ANKRD55: variants seen among roughly 807,000 people sequenced by gnomAD.
ANKRD55 encodes the protein ankyrin repeat domain 55, also known as ankyrin repeat domain-containing protein 55.
ANKRD55 carries 41 observed loss-of-function variants against 60.6 expected under a neutral mutation model. That is an observed-to-expected ratio of 0.68 (90% CI 0.53 to 0.88). The LOEUF (loss-of-function observed/expected upper bound fraction) is 0.88, where lower values mean the gene tolerates loss of function less well. Ranked by LOEUF, ANKRD55 falls within the 40% of genes least tolerant of loss-of-function variation. The pLI, the probability that ANKRD55 is intolerant of heterozygous loss-of-function variation, is 0.00. For synonymous variants in ANKRD55, 264 were observed against 290.3 expected, an observed-to-expected ratio of 0.91 and a Z score of 0.92; for missense variants, 732 against 767.6, an observed-to-expected ratio of 0.95 and a Z score of 0.55.
At chr5:56,168,678 C>G (rs1758540247) in intron 5 of ANKRD55, among the ~76,000 whole-genome samples, 2 of 152,074 alleles carry the variant, frequency 1.3e-5, no homozygotes, top group Admixed American at 1.3e-4. Flanking sequence ...GGAACATATC[C>G]CCTCCAGGGT....
intron 2 of ANKRD55, among the ~76,000 whole-genome samples, chr5:56,210,476 G>A (rs979186448): frequency 6.8e-6 from 1 of 147,982 alleles, no homozygotes; most frequent in Non-Finnish European, 1.5e-5. Context: ...GCAGGAGAAA[G>A]GCGTGAACCC....
In ANKRD55 at chr5:56,179,684, A is replaced by C. The variant is rs555686049; in HGVS notation, c.182-3402T>G. Among the ~76,000 whole-genome samples the C allele has an allele frequency of 3.9e-5, 6 of 152,330 alleles. No individual in the cohort carries two copies. In the South Asian group the frequency reaches 1.2e-3, roughly 32 times the overall value. ...CTGCACTACAAGATAAGGAGCAGAA[A>C]CAGCACTAACCAAGGACACAGAATA... On this transcript the variant is annotated intron_variant, in intron 3 of 11. Transcript: ENST00000341048.
At position 56,212,539 on chromosome 5, in the gene ANKRD55, C is replaced by T. The variant is rs141055249; in HGVS notation, c.58+20317G>A. Among the ~76,000 whole-genome samples the T allele has an allele frequency of 1.1e-4, 16 of 152,240 alleles. No individual in the cohort carries two copies. The East Asian group carries it at 1.9e-3, about 18-fold the overall frequency. On this transcript the variant is annotated intron_variant, in intron 2 of 11. Transcript: ENST00000341048. ...TTTATTAATAGCTAACTTTTACAGA[C>T]GAATTTTCTTTCAGGCACTGTCCTA...
chr5:56,173,586 A>C (rs2624977), intron 4 of ANKRD55, among the ~76,000 whole-genome samples: 1,339 of 114,192 alleles, frequency 0.012, 5 homozygotes, highest in Non-Finnish European at 0.014. Flanking sequence ...CTCTCTCTAT[A>C]TATATATATA....
intron 2 of ANKRD55, chr5:56,193,404 C>T: frequency 1.6e-6 from 1 of 614,106 alleles, no homozygotes; most frequent in Middle Eastern, 3.0e-4. Context: ...CCTTTTGGTA[C>T]TGGAATTACA....
At chr5:56,108,541 G>A (rs979842787) in intron 10 of ANKRD55, among the ~76,000 whole-genome samples, 3 of 152,126 alleles carry the variant, frequency 2.0e-5, no homozygotes, top group African/African-American at 7.2e-5. Context: ...CAGACATCAG[G>A]AAACAGCCTT....
chr5:56,209,445 A>G (rs1022154367), intron 2 of ANKRD55, among the ~76,000 whole-genome samples: 2 of 151,446 alleles, frequency 1.3e-5, no homozygotes, highest in Non-Finnish European at 2.9e-5. Context: ...GAATAATACC[A>G]AAACATTTTT....
intron 3 of ANKRD55, among the ~76,000 whole-genome samples, chr5:56,179,040 CA>C (rs1257265537): frequency 6.6e-6 from 1 of 152,000 alleles, no homozygotes; most frequent in Non-Finnish European, 1.5e-5. Context: ...ATTCCACTTC[CA>C]AGTTTATTTC....
intron 2 of ANKRD55, among the ~76,000 whole-genome samples, chr5:56,202,509 A>G (rs1197579886): frequency 6.6e-6 from 1 of 152,128 alleles, no homozygotes; most frequent in Non-Finnish European, 1.5e-5. Flanking sequence ...ATTTCCTGAG[A>G]TGATAAGAGT....
At chr5:56,223,143 A>G (rs567605330) in intron 2 of ANKRD55, among the ~76,000 whole-genome samples, 2 of 152,352 alleles carry the variant, frequency 1.3e-5, no homozygotes, top group South Asian at 4.1e-4. Context: ...CATCAAACCA[A>G]TAGATGATCT....
chr5:56,210,487 G>C (rs1437078055), intron 2 of ANKRD55, among the ~76,000 whole-genome samples: 2 of 148,574 alleles, frequency 1.3e-5, no homozygotes, highest in African/African-American at 5.0e-5. Context: ...GCGTGAACCC[G>C]GGAGGCGGAG....
At chr5:56,138,126 T>TC (rs1225401186) in intron 7 of ANKRD55, among the ~76,000 whole-genome samples, 2 of 123,168 alleles carry the variant, frequency 1.6e-5, no homozygotes, top group Non-Finnish European at 3.5e-5. Flanking sequence ...GGTTTCTTTT[T>TC]CTTTTTTTTT....
intron 7 of ANKRD55, chr5:56,137,469 G>T: frequency 3.7e-6 from 3 of 805,234 alleles, no homozygotes; most frequent in East Asian, 2.4e-5. Context: ...AGAGGAGATT[G>T]CCCAGAAGAA....
rs551290228 is a variant in ANKRD55, at chr5:56,233,313, A to G, written c.-106T>C. ...CTGGAATGTCGCTTTACACCAACAG[A>G]AATCTGAATGGGTGAGTGAGGATTC... On this transcript the variant is annotated 5_prime_UTR_variant, in exon 1 of 12. Coordinates refer to ENST00000341048, the MANE Select transcript of ANKRD55 (RefSeq NM_024669.3). 1 of 228,632 alleles carries G rather than the reference A, an allele frequency of 4.4e-6. No individual in the cohort carries two copies. The highest frequency in any genetic ancestry group is 1.1e-4 in the East Asian group (1 of 8,940). The allele number at this position is 228,632 out of a possible 1,614,324, so 14.2% of individuals were successfully genotyped here.
intron 2 of ANKRD55, among the ~76,000 whole-genome samples, chr5:56,194,568 G>A (rs1469360439): frequency 2.0e-5 from 3 of 151,978 alleles, no homozygotes; most frequent in Non-Finnish European, 4.4e-5. Context: ...ATTATCATGG[G>A]CCTTGACTAT....
chr5:56,187,382 A>G (rs1406407409), intron 2 of ANKRD55, among the ~76,000 whole-genome samples: 1 of 152,214 alleles, frequency 6.6e-6, no homozygotes, highest in African/African-American at 2.4e-5. Context: ...CGGGAGGGAC[A>G]ATGACCGGGA....
chr5:56,135,295 CTTT>C (rs1561263995), intron 7 of ANKRD55, among the ~76,000 whole-genome samples: 54 of 4,362 alleles, frequency 0.012, 2 homozygotes, highest in South Asian at 0.044. Context: ...TGCCTGCTTG[CTTT>C]CTTTCTTTCT....
At chr5:56,136,587 C>T (rs1285293003) in intron 7 of ANKRD55, among the ~76,000 whole-genome samples, 1 of 152,102 alleles carries the variant, frequency 6.6e-6, no homozygotes, top group Non-Finnish European at 1.5e-5. Context: ...TTATACCTTT[C>T]ACAAAATTGA....
intron 2 of ANKRD55, among the ~76,000 whole-genome samples, chr5:56,184,802 G>A (rs1758932123): frequency 6.6e-6 from 1 of 152,010 alleles, no homozygotes; most frequent in African/African-American, 2.4e-5. Context: ...GGAGGCCGAG[G>A]CAGGAGGATT....
Sources: allele counts gnomAD v4.1 joint callset (sites outside exome capture counted in the v4.1 genomes callset), GRCh38; gene constraint gnomAD v4.1.1; transcripts MANE v1.5; gene names NCBI Gene and HGNC (gene_info 2026-07-23, HGNC 2026-07-21).